Variants in RTN2 observed in about 807,000 individuals in gnomAD.
RTN2 encodes the protein reticulon-2.
A neutral mutation model predicts 63.7 loss-of-function variants in RTN2; 36 were observed. The observed-to-expected ratio is 0.56, with a 90% CI of 0.43 to 0.75. The LOEUF (loss-of-function observed/expected upper bound fraction) is 0.75, where lower values mean the gene tolerates loss of function less well. RTN2 is among the 30% of genes least tolerant of loss of function. The pLI is 0.00. For synonymous variants in RTN2, 312 were observed against 313.0 expected (o/e 1.00, Z 0.03); for missense variants, 673 against 705.1 (o/e 0.95, Z 0.52).
intron 9 of RTN2, among the ~76,000 whole-genome samples, chr19:45,488,010 T>C (rs1968065632): frequency 6.6e-6 from 1 of 150,426 alleles, no homozygotes; most frequent in African/African-American, 2.4e-5. Flanking sequence ...CCCAGCACTT[T>C]GGGAGGCCAA....
chr19:45,490,419 C>T (rs886894863), intron 5 of RTN2, among the ~76,000 whole-genome samples: 1 of 152,108 alleles, frequency 6.6e-6, no homozygotes, highest in African/African-American at 2.4e-5. Context: ...TTCCTAACCC[C>T]TTCACCGCAA....
chr19:45,491,276 G>A (rs1219223918), intron 5 of RTN2, among the ~76,000 whole-genome samples: 7 of 150,640 alleles, frequency 4.6e-5, no homozygotes, highest in Non-Finnish European at 1.0e-4. Flanking sequence ...GCTCACTACA[G>A]CCTCTACCTC....
rs1968001331 is a variant in RTN2, at chr19:45,485,613, C to A, written c.*95G>T. On this transcript the variant is annotated 3_prime_UTR_variant, in exon 11 of 11. Transcript: ENST00000245923. ...ACACCCACCGGGAAAAGGCTCGGGC[C>A]GAGGAGGGGGGTGGGTGGGAACGGA... The A allele has an allele frequency of 9.9e-7, 1 of 1,006,230 alleles. No individual in the cohort carries two copies. Among genetic ancestry groups the A allele is most frequent in the Non-Finnish European group, 1.5e-6 (1 of 649,328 alleles). 62.3% of individuals were successfully genotyped at this position (1,006,230 alleles called of 1,614,324 possible). A position where few individuals can be genotyped will look rare whatever the true frequency, so the allele number is the denominator to read the frequency against.
intron 9 of RTN2, among the ~76,000 whole-genome samples, chr19:45,487,195 C>T (rs1441892285): frequency 6.6e-6 from 1 of 151,722 alleles, no homozygotes; most frequent in East Asian, 1.9e-4. Context: ...AGGTGTGTGC[C>T]ACCACACCTG....
At chr19:45,493,502 C>A in intron 4 of RTN2, 124 bp from the exon 5 acceptor site, 1 of 749,794 alleles carries the variant, frequency 1.3e-6, no homozygotes, top group Non-Finnish European at 2.2e-6. Flanking sequence ...CTATGTTGCC[C>A]AGGCTGGTCT....
intron 5 of RTN2, among the ~76,000 whole-genome samples, chr19:45,491,326 C>CT (rs1356279713): frequency 6.7e-6 from 1 of 150,092 alleles, no homozygotes; most frequent in Non-Finnish European, 1.5e-5. Flanking sequence ...CTCCTAGCAG[C>CT]TGGGACTACA....
chr19:45,485,599 G>C lies in RTN2; in HGVS notation c.*109C>G, dbSNP rs1435442244. 1.1e-6 allele frequency: 1 copy of C among 881,606 alleles called. No homozygotes were observed. The highest frequency in any genetic ancestry group is 1.4e-5 in the South Asian group (1 of 71,890). The allele number at this position is 881,606 out of a possible 1,614,324, so 54.6% of individuals were successfully genotyped here. A position where few individuals can be genotyped will look rare whatever the true frequency, so the allele number is the denominator to read the frequency against. On this transcript the variant is annotated 3_prime_UTR_variant, in exon 11 of 11. Coordinates refer to ENST00000245923, the MANE Select transcript of RTN2 (RefSeq NM_005619.5). ...TGGGAGTGATCCTGACACCCACCGG[G>C]AAAAGGCTCGGGCCGAGGAGGGGGG... is the stretch of plus-strand genomic sequence containing the variant.
chr19:45,485,503 T>A lies in RTN2; in HGVS notation c.*205A>T. 1.7e-6 allele frequency: 1 copy of A among 580,716 alleles called. No homozygotes were observed. The highest frequency in any genetic ancestry group is 3.1e-6 in the Non-Finnish European group (1 of 324,374). 36.0% of individuals were successfully genotyped at this position (580,716 alleles called of 1,614,324 possible). On this transcript the variant is annotated 3_prime_UTR_variant, in exon 11 of 11. Transcript: ENST00000245923. ...CGCGGCCAAGGTGCCTCGTCTTTCC[T>A]GGACTCCTGGAGCAGAGCCTCTTGG...
At chr19:45,487,993 C>G (rs1263560547) in intron 9 of RTN2, among the ~76,000 whole-genome samples, 1 of 144,968 alleles carries the variant, frequency 6.9e-6, no homozygotes, top group African/African-American at 2.6e-5. Context: ...TGGCTCACGC[C>G]TGTAATCCCA....
At position 45,485,558 on chromosome 19, in the gene RTN2, A is replaced by T. The variant is rs377322841; in HGVS notation, c.*150T>A. ...TGTAGTCCTGGTCGCTCAGGTAATT[A>T]GCGCAGAGTCCCTAGTGGGAGTGAT... On this transcript the variant is annotated 3_prime_UTR_variant, in exon 11 of 11. Coordinates refer to ENST00000245923, the MANE Select transcript of RTN2 (RefSeq NM_005619.5). 2.0e-5 allele frequency: 13 copies of T among 643,072 alleles called. No homozygotes were observed. The African/African-American group carries it at 2.2e-4, about 11-fold the overall frequency. 39.8% of individuals were successfully genotyped at this position (643,072 alleles called of 1,614,324 possible).
rs762624721 is a variant in RTN2 at position 45,493,319 on chromosome 19, T to C, written c.874A>G (p.Ile292Val). ...LLLAVYKTVP[I>V]LELSPPLWTA... ...CACAGAGGTGGGGACAATTCCAAAATTGGAACCGTCTTGTAAACAGCCAAA... is the reference window on the plus strand; with the variant it reads ...CACAGAGGTGGGGACAATTCCAAAACTGGAACCGTCTTGTAAACAGCCAAA... The change falls in exon 5 of 11, where the codon ATT becomes GTT. Residue 292 changes from isoleucine (I) to valine (V), a missense_variant. Physicochemically the swap from Ile to Val is conservative, Grantham distance 29. Transcript: ENST00000245923. 4.3e-6 allele frequency: 7 copies of C among 1,611,314 alleles called. No homozygotes were observed. Among genetic ancestry groups the C allele is most frequent in the African/African-American group, 2.7e-5 (2 of 74,640 alleles).
chr19:45,486,070 C>T lies in RTN2; in HGVS notation c.1541G>A (p.Ser514Asn). The T allele has an allele frequency of 6.2e-7, 1 of 1,614,078 alleles. No homozygotes were observed. The highest frequency in any genetic ancestry group is 8.5e-7 in the Non-Finnish European group (1 of 1,180,008). ...ATGCTCTTACTTAGCTTTGATGTGG[C>T]TCAACTGATTGGTCACCAACCCCAC... is the stretch of plus-strand genomic sequence containing the variant. ...QYVGLVTNQL[S>N]HIKAKIRAKI... The change falls in exon 10 of 11, where the codon AGC becomes AAC. Residue 514 changes from serine (S) to asparagine (N), a missense_variant. Ser to Asn is a conservative substitution (Grantham distance 46, BLOSUM62 1). Coordinates refer to ENST00000245923, the MANE Select transcript of RTN2 (RefSeq NM_005619.5).
chr19:45,495,889 G>A (rs1253793625), intron 1 of RTN2, among the ~76,000 whole-genome samples: 7 of 152,156 alleles, frequency 4.6e-5, no homozygotes, highest in Admixed American at 3.9e-4. Context: ...TGAAGTTAAC[G>A]ACAAGATCAT....
At chr19:45,488,428 C>T (rs377766821) in intron 9 of RTN2, 43 bp downstream of exon 9, 163 of 1,600,516 alleles carry the variant, frequency 1.0e-4, no homozygotes, top group Non-Finnish European at 1.4e-4. Flanking sequence ...GTCAGACCCC[C>T]ATGTTTAGCT....
intron 1 of RTN2, 138 bp downstream of exon 1, chr19:45,496,654 G>T (rs1408759303): frequency 2.6e-5 from 13 of 499,176 alleles, no homozygotes; most frequent in African/African-American, 6.0e-5. Flanking sequence ...GAGCGCGGGG[G>T]AGGGGAGAGC....
chr19:45,488,524 G>A lies in RTN2; in HGVS notation c.1451-7C>T, dbSNP rs1418970218. 13 of 1,613,924 alleles carry A rather than the reference G, an allele frequency of 8.1e-6. No homozygotes were observed. The Admixed American group carries it at 1.2e-4, about 14-fold the overall frequency. ...GTGAATAGACCAATCACTCCTGTGG[G>A]TACAGAGATGGGGGCGTCAGGGTGT... On this transcript the variant is annotated splice_polypyrimidine_tract_variant and splice_region_variant and intron_variant, in intron 8 of 10. Coordinates refer to ENST00000245923, the MANE Select transcript of RTN2 (RefSeq NM_005619.5).
In RTN2 at chr19:45,493,210, C is replaced by G; in HGVS notation, c.983G>C (p.Arg328Thr). The G allele has an allele frequency of 6.2e-7, 1 of 1,613,552 alleles. No homozygotes were observed. The highest frequency in any genetic ancestry group is 8.5e-7 in the Non-Finnish European group (1 of 1,180,024). Reference sequence around the variant, plus strand: ...TGAGAGGCTGGGGACACCGCTGCTTCTCGGGGATTTTGCCCACTTCAGTAG... The same window carrying G: ...TGAGAGGCTGGGGACACCGCTGCTTGTCGGGGATTTTGCCCACTTCAGTAG... ...RVLLKWAKSP[R>T]SSGVPSLSLG... The change falls in exon 5 of 11, where the codon AGA becomes ACA. Residue 328 changes from arginine to threonine, a missense_variant. Physicochemically the swap from Arg to Thr is moderately conservative, Grantham distance 71 (BLOSUM62 -1). Coordinates refer to ENST00000245923, the MANE Select transcript of RTN2 (RefSeq NM_005619.5).
In RTN2 at chr19:45,493,499, G is replaced by A. The variant is rs1968205976; in HGVS notation, c.815-121C>T. On this transcript the variant is annotated intron_variant, in intron 4 of 10. Transcript: ENST00000245923. Reference sequence around the variant, plus strand: ...AATAGAGATCGAGTCTCCCTATGTTGCCCAGGCTGGTCTTGCACTCTTGGC... The same window carrying A: ...AATAGAGATCGAGTCTCCCTATGTTACCCAGGCTGGTCTTGCACTCTTGGC... 5.3e-6 allele frequency: 4 copies of A among 753,266 alleles called. No individual in the cohort carries two copies. The Admixed American group carries it at 1.1e-4, about 21-fold the overall frequency. The allele number at this position is 753,266 out of a possible 1,614,324, so 46.7% of individuals were successfully genotyped here. A position where few individuals can be genotyped will look rare whatever the true frequency, so the allele number is the denominator to read the frequency against.
rs1302402980 is a variant in RTN2 at position 45,496,895 on chromosome 19, G to T, written c.-70C>A. 21 of 1,019,292 alleles carry T rather than the reference G, an allele frequency of 2.1e-5. No individual in the cohort carries two copies. The highest frequency in any genetic ancestry group is 4.9e-5 in the South Asian group (2 of 40,702). 63.1% of individuals were successfully genotyped at this position (1,019,292 alleles called of 1,614,324 possible). ...TGCCGCCCTGGGCCCGGGGTCGCGG[G>T]CGCTCATCTCCGCCGCGCCCACGAC... On this transcript the variant is annotated 5_prime_UTR_variant, in exon 1 of 11. Transcript: ENST00000245923.
Sources: allele counts gnomAD v4.1 joint callset (sites outside exome capture counted in the v4.1 genomes callset), GRCh38; gene constraint gnomAD v4.1.1; transcripts MANE v1.5; gene names NCBI Gene and HGNC (gene_info 2026-07-23, HGNC 2026-07-21).